Variants in SLCO4A1 observed in about 807,000 individuals in gnomAD.
SLCO4A1 encodes the protein solute carrier organic anion transporter family member 4A1, also known as colon organic anion transporter.
A neutral mutation model predicts 64.6 loss-of-function variants in SLCO4A1; 51 were observed. The ratio of observed to expected loss-of-function variants is 0.79; its 90% CI spans 0.63 to 1.00. SLCO4A1 has a LOEUF of 1.00. SLCO4A1 is among the 50% of genes least tolerant of loss of function. The pLI is 0.00. For synonymous variants in SLCO4A1, 471 were observed against 444.9 expected (o/e 1.06, Z -0.74); for missense variants, 919 against 980.5 (o/e 0.94, Z 0.84).
chr20:62,689,484 C>T (rs375185923), downstream of SLCO4A1, among the ~76,000 whole-genome samples: 225 of 152,348 alleles, frequency 1.5e-3, 1 homozygote, highest in African/African-American at 4.5e-3. Flanking sequence ...TGCTCAGCCT[C>T]CTCAGGTGCT....
At chr20:62,686,857 T>TAGGGCACCCCCAAACAGGAGCAATGGGA (rs1569159094), downstream of SLCO4A1, among the ~76,000 whole-genome samples, 22 of 142,910 alleles carry the variant, frequency 1.5e-4, no homozygotes, top group African/African-American at 4.8e-4. Context: ...GCACGATGGG[T>TAGGGCACCCCCAAACAGGAGCAATGGGA]AGGGCACCCC....
downstream of SLCO4A1, among the ~76,000 whole-genome samples, chr20:62,673,005 C>T (rs985618159): frequency 3.3e-5 from 4 of 119,528 alleles, no homozygotes; most frequent in Admixed American, 8.3e-5. Flanking sequence ...CCCAATGCGT[C>T]GGTCAAGATC....
intron 11 of SLCO4A1, among the ~76,000 whole-genome samples, chr20:62,669,345 C>T (rs532610998): frequency 2.6e-5 from 4 of 152,352 alleles, no homozygotes; most frequent in Middle Eastern, 3.4e-3. Flanking sequence ...CCTCTCCCAC[C>T]TCCTGGGACT....
chr20:62,688,851 G>C (rs764637479), downstream of SLCO4A1, among the ~76,000 whole-genome samples: 2 of 152,230 alleles, frequency 1.3e-5, no homozygotes, highest in African/African-American at 2.4e-5. Flanking sequence ...GGGGTGGCCA[G>C]GCTGGTGGGA....
chr20:62,670,943 G>A (rs912340305), intron 11 of SLCO4A1, among the ~76,000 whole-genome samples: 34 of 152,242 alleles, frequency 2.2e-4, no homozygotes, highest in East Asian at 1.9e-4. Flanking sequence ...TCTGGTCCAC[G>A]CCCAGCGTGG....
At chr20:62,675,763 C>G (rs770703412), downstream of SLCO4A1, among the ~76,000 whole-genome samples, 1 of 152,232 alleles carries the variant, frequency 6.6e-6, no homozygotes, top group East Asian at 1.9e-4. Context: ...GCCCTGGATA[C>G]GCCCTCGGCT....
chr20:62,671,921 C>G lies in SLCO4A1; in HGVS notation c.*28C>G. On this transcript the variant is annotated 3_prime_UTR_variant, in exon 12 of 12. Coordinates refer to ENST00000217159, the MANE Select transcript of SLCO4A1 (RefSeq NM_016354.4). ...ACCGCCCGCGCCCACCCGGCCACGG[C>G]GGGCACTCAGCATTTCCTGATGACA... The G allele has an allele frequency of 2.5e-6, 4 of 1,606,326 alleles. No individual in the cohort carries two copies. In the Middle Eastern group the frequency reaches 6.6e-4, roughly 265 times the overall value.
rs1985009555 is a variant in SLCO4A1, at chr20:62,661,892, C to T, written c.1121+717C>T. 6.6e-6 allele frequency among the ~76,000 whole-genome samples: 1 copy of T among 152,048 alleles called. No individual in the cohort carries two copies. The highest frequency in any genetic ancestry group is 1.5e-5 in the Non-Finnish European group (1 of 67,970). On this transcript the variant is annotated intron_variant, in intron 5 of 11. Coordinates refer to ENST00000217159, the MANE Select transcript of SLCO4A1 (RefSeq NM_016354.4). The surrounding 1 kb of genome is among the most constrained non-coding windows in gnomAD (Gnocchi z 5.2). ...AACAGAGGGGCCCGGGCCCTCCCGGCCTCTCCTGGGGATCATGCCTTCCCT... is the reference window on the plus strand; with the variant it reads ...AACAGAGGGGCCCGGGCCCTCCCGGTCTCTCCTGGGGATCATGCCTTCCCT...
chr20:62,658,824 G>T (rs1354611686), intron 3 of SLCO4A1, 57 bp downstream of exon 3: 5 of 1,420,602 alleles, frequency 3.5e-6, no homozygotes, highest in Non-Finnish European at 4.9e-6. Flanking sequence ...TCTCTGGAAG[G>T]GGGTTCAGAG....
At chr20:62,643,133 G>A (rs1442395484) in intron 1 of SLCO4A1, 9 of 429,226 alleles carry the variant, frequency 2.1e-5, no homozygotes, top group South Asian at 1.3e-4. Context: ...GGGAGCGCGG[G>A]CGGAGCGCAC....
chr20:62,654,343 G>C (rs990806114), intron 1 of SLCO4A1, among the ~76,000 whole-genome samples: 1 of 152,198 alleles, frequency 6.6e-6, no homozygotes, highest in Non-Finnish European at 1.5e-5. Flanking sequence ...AAGGTCATGC[G>C]CTCAGGTCCC....
intron 2 of SLCO4A1, among the ~76,000 whole-genome samples, chr20:62,683,785 C>T (rs762197632): frequency 7.2e-5 from 11 of 152,170 alleles, no homozygotes; most frequent in African/African-American, 1.7e-4. Flanking sequence ...AACCAAACAC[C>T]GACTTTCTCA....
chr20:62,643,471 TG>T (rs1043472620), intron 1 of SLCO4A1, among the ~76,000 whole-genome samples: 39 of 152,350 alleles, frequency 2.6e-4, no homozygotes, highest in Middle Eastern at 3.4e-3. Context: ...ACCCTCAGGC[TG>T]GGGGGTGCCC....
intron 1 of SLCO4A1, among the ~76,000 whole-genome samples, chr20:62,653,252 G>A (rs1255339343): frequency 1.3e-5 from 2 of 152,204 alleles, no homozygotes; most frequent in Non-Finnish European, 2.9e-5. Flanking sequence ...CGTGGCGGGA[G>A]GACCCAGAGC....
rs572459485 is a variant in SLCO4A1, at chr20:62,672,183, G to T, written c.*290G>T. ...TGTGGTGTGCGTGAGGACAAACTCC[G>T]CAGGGGCTGTGAATCCCACTGGGAG... On this transcript the variant is annotated 3_prime_UTR_variant, in exon 12 of 12. Coordinates refer to ENST00000217159, the MANE Select transcript of SLCO4A1 (RefSeq NM_016354.4). 2 of 1,315,670 alleles carry T rather than the reference G, an allele frequency of 1.5e-6. No homozygotes were observed. Among genetic ancestry groups the T allele is most frequent in the Non-Finnish European group, 1.9e-6 (2 of 1,026,040 alleles). 81.5% of individuals were successfully genotyped at this position (1,315,670 alleles called of 1,614,324 possible). A position where few individuals can be genotyped will look rare whatever the true frequency, so the allele number is the denominator to read the frequency against.
chr20:62,683,022 T>C (rs536466935), intron 2 of SLCO4A1, among the ~76,000 whole-genome samples: 39 of 152,220 alleles, frequency 2.6e-4, no homozygotes, highest in Non-Finnish European at 5.1e-4. Context: ...GAGGGCGCCC[T>C]GGTGCTTCCT....
intron 6 of SLCO4A1, chr20:62,666,119 C>CCCCGCCCCGCCCCCCCGCCCCCCCT (rs1364782406): frequency 3.3e-5 from 2 of 59,920 alleles, no homozygotes; most frequent in African/African-American, 1.1e-4. Context: ...CGCCCCCCCG[C>CCCCGCCCCGCCCCCCCGCCCCCCCT]TCCCCCTTCC....
chr20:62,658,584 G>C, intron 2 of SLCO4A1, 93 bp from the exon 3 acceptor site: 1 of 942,832 alleles, frequency 1.1e-6, no homozygotes, highest in South Asian at 1.5e-5. Flanking sequence ...AGAATGGCGG[G>C]TGCGGGGCTT....
In SLCO4A1 at chr20:62,656,492, TC is replaced by T; in HGVS notation, c.42del (p.Ser15AlafsTer25). The T allele has an allele frequency of 1.3e-6, 2 of 1,531,726 alleles. No homozygotes were observed. 94.9% of individuals were successfully genotyped at this position (1,531,726 alleles called of 1,614,324 possible). A position where few individuals can be genotyped will look rare whatever the true frequency, so the allele number is the denominator to read the frequency against. The part of the protein sequence containing the change: ...LHQLGDKPLT[F>X]PSPNSAMENG... The stretch of plus-strand genomic sequence containing the variant: ...CAGCTGGGGGACAAGCCGCTCACCT[TC>T]CCCAGCCCCAACTCAGCCATGGAAA... On this transcript the variant is annotated frameshift_variant, in exon 2 of 12. Transcript: ENST00000217159. LOFTEE classifies it high-confidence loss of function.
Sources: gnomAD v4.1 joint callset for allele counts (sites outside exome capture counted in the v4.1 genomes callset) on GRCh38, gnomAD v4.1.1 for gene constraint, Gnocchi (gnomAD v3.1) non-coding constraint, MANE v1.5 for transcripts, NCBI Gene and HGNC (gene_info 2026-07-23, HGNC 2026-07-21) for gene names.